The following LRRC4B variants were observed in gnomAD, a reference collection of about 807,000 sequenced individuals.
LRRC4B encodes the protein leucine-rich repeat-containing protein 4B.
A neutral mutation model predicts 7.3 loss-of-function variants in LRRC4B; 1 was observed. The observed-to-expected ratio is 0.14, with a 90% confidence interval of 0.05 to 0.65. The LOEUF (loss-of-function observed/expected upper bound fraction) is 0.65, where lower values mean the gene tolerates loss of function less well. LRRC4B is among the 30% of genes least tolerant of loss of function. The pLI is 0.84. For missense variants in LRRC4B, 730 were observed against 1,041.6 expected, an observed-to-expected ratio of 0.70 and a Z score of 4.12; for synonymous variants, 500 against 499.2, an observed-to-expected ratio of 1.00 and a Z score of -0.02.
rs752323531 is a variant in LRRC4B, at chr19:50,551,801, C to A, written c.-35-2928G>T. ...GGCTCTGTCTGTCTCTCTCTTTCTC[C>A]GCGATTACAATTTCTAGTCACACGG... On this transcript the variant is annotated intron_variant, in intron 1 of 2. Transcript: ENST00000652263. Among the ~76,000 whole-genome samples the A allele has an allele frequency of 1.3e-4, 20 of 151,718 alleles. 1 individual carries two copies. The highest frequency in any genetic ancestry group is 6.8e-3 in the Middle Eastern group (2 of 294).
chr19:50,531,174 C>A (rs1179872236), intron 2 of LRRC4B, among the ~76,000 whole-genome samples: 1 of 152,220 alleles, frequency 6.6e-6, no homozygotes, highest in Non-Finnish European at 1.5e-5. Context: ...GCTCCCGGAG[C>A]CTCTGCGGCA....
At chr19:50,545,645 C>T (rs929613925) in intron 2 of LRRC4B, among the ~76,000 whole-genome samples, 1 of 150,866 alleles carries the variant, frequency 6.6e-6, no homozygotes, top group Non-Finnish European at 1.5e-5. Flanking sequence ...AAAATGTAAA[C>T]AGTAGTTATT....
Position 50,548,890 on chromosome 19 carries a change from G to T in LRRC4B, c.-35-17C>A. 9.1e-7 allele frequency: 1 copy of T among 1,101,508 alleles called. No individual in the cohort carries two copies. Among genetic ancestry groups the T allele is most frequent in the Non-Finnish European group, 1.3e-6 (1 of 797,872 alleles). The allele number at this position is 1,101,508 out of a possible 1,614,324, so 68.2% of individuals were successfully genotyped here. A position where few individuals can be genotyped will look rare whatever the true frequency, so the allele number is the denominator to read the frequency against. On this transcript the variant is annotated splice_polypyrimidine_tract_variant and intron_variant, in intron 1 of 2. Transcript: ENST00000652263. The surrounding 1 kb of genome is among the most constrained non-coding windows in gnomAD (Gnocchi z 6.8). ...GCTGGGGGGCTGTGGGTGGGGGAGA[G>T]AAGGGGGAGAGGCTTGGTGAGGGAC...
chr19:50,538,560 T>G (rs1981395153), intron 2 of LRRC4B, among the ~76,000 whole-genome samples: 1 of 8,598 alleles, frequency 1.2e-4, no homozygotes, highest in African/African-American at 1.2e-3. Flanking sequence ...TTTTGTCTTG[T>G]TTTTTTTTTT....
chr19:50,552,021 C>T (rs753552977), intron 1 of LRRC4B, among the ~76,000 whole-genome samples: 24 of 152,034 alleles, frequency 1.6e-4, no homozygotes, highest in East Asian at 1.2e-3. Flanking sequence ...TCTGGGCAGC[C>T]GAGGAGGCAG....
rs1417282417 is a variant in LRRC4B at position 50,556,530 on chromosome 19, C to A, written c.-35-7657G>T. ...TCCAGGAGGTCTTCTTTGAGCTCCC[C>A]CTACCGTCCGTATCCCTTGCACTTC... On this transcript the variant is annotated intron_variant, in intron 1 of 2. Coordinates refer to ENST00000652263, the MANE Select transcript of LRRC4B (RefSeq NM_001080457.2). This position sits in a 1 kb window ranked among gnomAD's most constrained non-coding sequence, Gnocchi z 4.2. Among the ~76,000 whole-genome samples the A allele has an allele frequency of 6.6e-6, 1 of 152,188 alleles. No homozygotes were observed. The highest frequency in any genetic ancestry group is 2.4e-5 in the African/African-American group (1 of 41,446).
chr19:50,559,425 CTCTG>C (rs1440437082), intron 1 of LRRC4B, among the ~76,000 whole-genome samples: 1 of 152,108 alleles, frequency 6.6e-6, no homozygotes, highest in Non-Finnish European at 1.5e-5. Context: ...CAGAGCGAGA[CTCTG>C]TCTGAAAAAA....
chr19:50,567,774 C>A (rs573130452), intron 1 of LRRC4B, among the ~76,000 whole-genome samples, 170 bp downstream of exon 1: 3 of 146,100 alleles, frequency 2.1e-5, no homozygotes, highest in African/African-American at 5.1e-5. Flanking sequence ...TCGCCTCCCC[C>A]ACCGGCTTCT....
chr19:50,541,865 G>A (rs747977010), intron 2 of LRRC4B, among the ~76,000 whole-genome samples: 41 of 152,224 alleles, frequency 2.7e-4, no homozygotes, highest in Non-Finnish European at 4.9e-4. Flanking sequence ...CCTCCGGGAC[G>A]TCCAGTCTCA....
intron 2 of LRRC4B, among the ~76,000 whole-genome samples, chr19:50,527,348 CT>C (rs59423387): frequency 0.048 from 6,013 of 124,450 alleles, 385 homozygotes; most frequent in African/African-American, 0.15. Flanking sequence ...TTTCTTTTTT[CT>C]TTTTTTTTTT....
chr19:50,517,851 T>C lies in LRRC4B; in HGVS notation c.1862A>G (p.Glu621Gly). ...PTRTVEIINV[E>G]DELPAASAVS... is the part of the protein sequence containing the mutation. ...GGCCGAGGCGGCGGGCAGCTCGTCC[T>C]CCACGTTGATGATCTCCACGGTGCG... Residue 621 changes from glutamate (E) to glycine (G), a missense_variant, in exon 3 of 3, where the codon GAG becomes GGG. Transcript: ENST00000652263. The surrounding 1 kb of genome is among the most constrained non-coding windows in gnomAD (Gnocchi z 6.6). 6.3e-7 allele frequency: 1 copy of C among 1,584,110 alleles called. No homozygotes were observed. The highest frequency in any genetic ancestry group is 8.6e-7 in the Non-Finnish European group (1 of 1,169,482).
At chr19:50,520,722 A>G (rs1980538641) in intron 2 of LRRC4B, among the ~76,000 whole-genome samples, 1 of 152,200 alleles carries the variant, frequency 6.6e-6, no homozygotes. Context: ...GGATCACCTG[A>G]GCGCAGAAGC....
intron 2 of LRRC4B, among the ~76,000 whole-genome samples, chr19:50,526,890 G>C (rs1445891765): frequency 7.1e-6 from 1 of 141,428 alleles, no homozygotes; most frequent in African/African-American, 2.6e-5. Context: ...GTCTCACTCT[G>C]TTGCCCAGGA....
At chr19:50,544,148 A>G (rs1297299859) in intron 2 of LRRC4B, among the ~76,000 whole-genome samples, 1 of 152,030 alleles carries the variant, frequency 6.6e-6, no homozygotes, top group Non-Finnish European at 1.5e-5. Flanking sequence ...CAGAGGTTGC[A>G]GTGAGCTGAG....
At position 50,563,596 on chromosome 19, in the gene LRRC4B, C is replaced by T. The variant is rs903738336; in HGVS notation, c.-36+4348G>A. Among the ~76,000 whole-genome samples, 9 of 152,218 alleles carry T rather than the reference C, an allele frequency of 5.9e-5. No individual in the cohort carries two copies. The highest frequency in any genetic ancestry group is 2.2e-4 in the African/African-American group (9 of 41,462). Reference sequence around the variant, plus strand: ...CCTCTAAGGCAGCCCCTGCTCTCCACCTGCTCTGGGGCCAAATGTGCAGCC... The same window carrying T: ...CCTCTAAGGCAGCCCCTGCTCTCCATCTGCTCTGGGGCCAAATGTGCAGCC... On this transcript the variant is annotated intron_variant, in intron 1 of 2. Transcript: ENST00000652263. This position sits in a 1 kb window ranked among gnomAD's most constrained non-coding sequence, Gnocchi z 4.9.
intron 1 of LRRC4B, among the ~76,000 whole-genome samples, chr19:50,551,899 G>A (rs549434391): frequency 7.8e-5 from 11 of 141,898 alleles, no homozygotes; most frequent in East Asian, 5.1e-4. Context: ...CCTTCTGAAC[G>A]GGGAGGGCGC....
At chr19:50,529,572 A>C (rs562585290) in intron 2 of LRRC4B, among the ~76,000 whole-genome samples, 4 of 152,268 alleles carry the variant, frequency 2.6e-5, no homozygotes, top group Non-Finnish European at 4.4e-5. Flanking sequence ...TGGGAGGCCG[A>C]GGCGGGTGGA....
Position 50,553,292 on chromosome 19 carries a change from C to T in LRRC4B, c.-35-4419G>A, listed in dbSNP as rs931741424. On this transcript the variant is annotated intron_variant, in intron 1 of 2. Coordinates refer to ENST00000652263, the MANE Select transcript of LRRC4B (RefSeq NM_001080457.2). The surrounding 1 kb of genome is among the most constrained non-coding windows in gnomAD (Gnocchi z 4.2). ...GTATCCTGTCAACACCCCATGGACC[C>T]TGCCCCGCCTCTGCTCCACAGCCTT... Among the ~76,000 whole-genome samples, 1 of 152,154 alleles carries T rather than the reference C, an allele frequency of 6.6e-6. No individual in the cohort carries two copies. The highest frequency in any genetic ancestry group is 2.4e-5 in the African/African-American group (1 of 41,440).
chr19:50,546,760 C>T (rs904932153), intron 2 of LRRC4B, among the ~76,000 whole-genome samples: 2 of 152,268 alleles, frequency 1.3e-5, no homozygotes, highest in East Asian at 1.9e-4. Context: ...CAAAGAGAAA[C>T]GGGTCCAGGT....
Sources: gnomAD v4.1 joint callset for allele counts (sites outside exome capture counted in the v4.1 genomes callset) on GRCh38, gnomAD v4.1.1 for gene constraint, Gnocchi (gnomAD v3.1) non-coding constraint, MANE v1.5 for transcripts, NCBI Gene and HGNC (gene_info 2026-07-23, HGNC 2026-07-21) for gene names.